The following DAAM2 variants were observed in gnomAD, a reference collection of about 807,000 sequenced individuals.
The protein encoded by DAAM2 is dishevelled associated activator of morphogenesis 2, also known as disheveled-associated activator of morphogenesis 2.
DAAM2 carries 39 observed loss-of-function variants against 120.7 expected under a neutral mutation model. That is an observed-to-expected ratio of 0.32 (90% CI 0.25 to 0.42). The LOEUF (loss-of-function observed/expected upper bound fraction) is 0.42, where lower values mean the gene tolerates loss of function less well. Among genes scored for constraint, DAAM2 ranks in the 10% least tolerant of loss-of-function variants. The pLI is 1.00. For missense variants in DAAM2, 1,283 were observed against 1,401.7 expected, an observed-to-expected ratio of 0.92 and a Z score of 1.35; for synonymous variants, 488 against 524.9, an observed-to-expected ratio of 0.93 and a Z score of 0.96.
chr6:39,878,105 C>A lies in DAAM2; in HGVS notation c.1302-98C>A. 1.5e-6 allele frequency: 2 copies of A among 1,327,726 alleles called. No homozygotes were observed. The highest frequency in any genetic ancestry group is 2.1e-6 in the Non-Finnish European group (2 of 946,976). The allele number at this position is 1,327,726 out of a possible 1,614,324, so 82.2% of individuals were successfully genotyped here. The stretch of plus-strand genomic sequence containing the variant: ...TGATGTGGCTGGACAGATTGGAGAC[C>A]AGGGTCCCCACCTGGAGGGTAGAAA... On this transcript the variant is annotated intron_variant, in intron 11 of 24. Coordinates refer to ENST00000274867, the MANE Select transcript of DAAM2 (RefSeq NM_001201427.2). The surrounding 1 kb of genome is among the most constrained non-coding windows in gnomAD (Gnocchi z 5.0).
chr6:39,891,816 C>T, intron 19 of DAAM2, 94 bp downstream of exon 19: 1 of 917,880 alleles, frequency 1.1e-6, no homozygotes, highest in Non-Finnish European at 1.6e-6. Context: ...AGGGAAACCC[C>T]TTTCTTATTC....
chr6:39,800,229 G>T (rs7761456), intron 1 of DAAM2, among the ~76,000 whole-genome samples: 57,296 of 151,936 alleles, frequency 0.38, 12,140 homozygotes, highest in Non-Finnish European at 0.48. Flanking sequence ...CTTTGCTTTG[G>T]CTCTTAGGCT....
At chr6:39,891,554 A>G (rs1457440931) in intron 18 of DAAM2, 80 bp from the exon 19 acceptor site, 1 of 1,517,172 alleles carries the variant, frequency 6.6e-7, no homozygotes, top group Admixed American at 1.9e-5. Context: ...GCTTGAGAGG[A>G]GACTGGAGCT....
At position 39,878,649 on chromosome 6, in the gene DAAM2, G is replaced by GTC; in HGVS notation, c.1545+61_1545+62insTC. The GTC allele has an allele frequency of 6.6e-7, 1 of 1,506,202 alleles. No individual in the cohort carries two copies. Among genetic ancestry groups the GTC allele is most frequent in the Non-Finnish European group, 8.9e-7 (1 of 1,117,466 alleles). 93.3% of individuals were successfully genotyped at this position (1,506,202 alleles called of 1,614,324 possible). On this transcript the variant is annotated intron_variant, in intron 13 of 24. Coordinates refer to ENST00000274867, the MANE Select transcript of DAAM2 (RefSeq NM_001201427.2). The surrounding 1 kb of genome is among the most constrained non-coding windows in gnomAD (Gnocchi z 5.0). ...AAGACCCTGGGCTTCAGGACTGGGT[G>GTC]GGCAGAGCAGGTGTCGGAGAGGCCA...
chr6:39,795,704 G>T (rs1761679579), intron 1 of DAAM2, among the ~76,000 whole-genome samples: 1 of 152,166 alleles, frequency 6.6e-6, no homozygotes, highest in Non-Finnish European at 1.5e-5. Flanking sequence ...GAAGGCTAGT[G>T]GGTGGAGTTT....
At chr6:39,835,459 A>G (rs1240914365) in intron 1 of DAAM2, among the ~76,000 whole-genome samples, 1 of 152,128 alleles carries the variant, frequency 6.6e-6, no homozygotes, top group Non-Finnish European at 1.5e-5. Context: ...TTTTTTCCTT[A>G]TGACAATGTG....
chr6:39,850,652 C>T (rs995010546), intron 1 of DAAM2, among the ~76,000 whole-genome samples: 1 of 152,164 alleles, frequency 6.6e-6, no homozygotes, highest in African/African-American at 2.4e-5. Flanking sequence ...ACCTCTGAGA[C>T]TCTTAATGTC....
intron 22 of DAAM2, 139 bp from the exon 23 acceptor site, chr6:39,899,938 C>T: frequency 1.0e-6 from 1 of 971,348 alleles, no homozygotes; most frequent in Non-Finnish European, 1.5e-6. Flanking sequence ...CTTTGCCATC[C>T]TTAGAACTTT....
rs368176965 is a variant in DAAM2 at position 39,866,609 on chromosome 6, TA to T, written c.429-896del. On this transcript the variant is annotated intron_variant, in intron 5 of 24. Transcript: ENST00000274867. ...CAGAAATGATGTTTTAAATAATAGA[TA>T]AAAAGATAGGCATAACAAATCAATG... Among the ~76,000 whole-genome samples, 69 of 152,266 alleles carry T rather than the reference TA, an allele frequency of 4.5e-4. 2 individuals are homozygous for T. The South Asian group carries it at 0.013, about 29-fold the overall frequency.
At chr6:39,898,623 G>A (rs941846526) in intron 21 of DAAM2, among the ~76,000 whole-genome samples, 3 of 152,218 alleles carry the variant, frequency 2.0e-5, no homozygotes, top group African/African-American at 7.2e-5. Context: ...TTCTGATATT[G>A]CAGCATGACA....
chr6:39,818,942 C>A (rs1762396771), intron 1 of DAAM2: 1 of 152,182 alleles, frequency 6.6e-6, no homozygotes, highest in South Asian at 2.1e-4. Flanking sequence ...CCTTCTGGCT[C>A]TGACATTCTG....
intron 1 of DAAM2, among the ~76,000 whole-genome samples, chr6:39,835,808 C>T (rs1166744088): frequency 6.6e-6 from 1 of 152,132 alleles, no homozygotes; most frequent in Non-Finnish European, 1.5e-5. Context: ...GATGGCCAGG[C>T]TGATGCTGAC....
rs906551860 is a variant in DAAM2, at chr6:39,865,168, C to T, written c.428+94C>T. 9 of 763,376 alleles carry T rather than the reference C, an allele frequency of 1.2e-5. No individual in the cohort carries two copies. The African/African-American group carries it at 1.5e-4, about 13-fold the overall frequency. 47.3% of individuals were successfully genotyped at this position (763,376 alleles called of 1,614,324 possible). A position where few individuals can be genotyped will look rare whatever the true frequency, so the allele number is the denominator to read the frequency against. ...CCCTGTGCAGTGCTCTGCTCCCATGCCGGTCCTCCTGGCCAACTCTGCCTC... is the reference window on the plus strand; with the variant it reads ...CCCTGTGCAGTGCTCTGCTCCCATGTCGGTCCTCCTGGCCAACTCTGCCTC... On this transcript the variant is annotated intron_variant, in intron 5 of 24. Coordinates refer to ENST00000274867, the MANE Select transcript of DAAM2 (RefSeq NM_001201427.2).
chr6:39,884,117 A>G, intron 15 of DAAM2, 48 bp downstream of exon 15: 1 of 988,828 alleles, frequency 1.0e-6, no homozygotes, highest in Non-Finnish European at 1.6e-6. Context: ...CTTGAATCCA[A>G]ACCTCAGCTT....
chr6:39,903,903 G>C lies in DAAM2; in HGVS notation c.*1866G>C. On this transcript the variant is annotated 3_prime_UTR_variant, in exon 25 of 25. Transcript: ENST00000274867. ...CATCCTGGAACCCAGGTGAGGGCAAGATGAAGGCTTCCAGGCAGAACAGCT... is the reference window on the plus strand; with the variant it reads ...CATCCTGGAACCCAGGTGAGGGCAACATGAAGGCTTCCAGGCAGAACAGCT... 1 of 317,626 alleles carries C rather than the reference G, an allele frequency of 3.1e-6. No homozygotes were observed. The highest frequency in any genetic ancestry group is 2.2e-5 in the African/African-American group (1 of 46,330). 19.7% of individuals were successfully genotyped at this position (317,626 alleles called of 1,614,324 possible).
chr6:39,826,286 G>A (rs1036206969), intron 1 of DAAM2, among the ~76,000 whole-genome samples: 36 of 151,800 alleles, frequency 2.4e-4, no homozygotes, highest in African/African-American at 6.0e-4. Context: ...TTTTACTTTC[G>A]AGGGTCTTCT....
intron 3 of DAAM2, chr6:39,861,727 A>G (rs1023918424): frequency 3.2e-5 from 5 of 154,850 alleles, no homozygotes; most frequent in African/African-American, 1.2e-4. Flanking sequence ...TTCATGGCCT[A>G]CTTTCCTCCT....
Position 39,900,111 on chromosome 6 carries a change from C to T in DAAM2, c.2714C>T (p.Pro905Leu), listed in dbSNP as rs1223211966. 6.2e-7 allele frequency: 1 copy of T among 1,600,690 alleles called. No homozygotes were observed. Among genetic ancestry groups the T allele is most frequent in the African/African-American group, 1.3e-5 (1 of 74,534 alleles). Residue 905 changes from proline (P) to leucine (L), a missense_variant, in exon 23 of 25, where the codon CCC (proline) becomes CTC (leucine). Pro to Leu is a moderately conservative substitution (Grantham distance 98). Coordinates refer to ENST00000274867, the MANE Select transcript of DAAM2 (RefSeq NM_001201427.2). ...LEYQRRQVRE[P>L]SDKFVPVMSD... ...TATCAGAGGCGCCAGGTACGGGAGC[C>T]CAGTGACAAGTTTGTCCCTGTCATG...
Position 39,897,238 on chromosome 6 carries a change from C to A in DAAM2, c.2574C>A (p.Asn858Lys). The change falls in exon 21 of 25, where the codon AAC becomes AAA. Residue 858 changes from asparagine to lysine, a missense_variant. By Grantham distance (94) the Asn-to-Lys change is moderately conservative (BLOSUM62 0). This residue lies in a region of DAAM2 where 748 missense variants were observed against 768.6 expected (regional missense o/e 0.97). Transcript: ENST00000274867. ...AGAAGCATTTTCCTGATATTCTAAA[C>A]ATGCCTTCAGAGCTGCAACATCTTC... ...ILEKHFPDIL[N>K]MPSELQHLPE... 6.2e-7 allele frequency: 1 copy of A among 1,613,656 alleles called. No individual in the cohort carries two copies. Among genetic ancestry groups the A allele is most frequent in the Admixed American group, 1.7e-5 (1 of 60,014 alleles).
Sources: gnomAD v4.1 joint callset for allele counts (sites outside exome capture counted in the v4.1 genomes callset) on GRCh38, gnomAD v4.1.1 for gene constraint, gnomAD v4.1.1 regional missense constraint, Gnocchi (gnomAD v3.1) non-coding constraint, MANE v1.5 for transcripts, NCBI Gene and HGNC (gene_info 2026-07-23, HGNC 2026-07-21) for gene names.